The following SOX5 variants were observed in gnomAD, a reference collection of about 807,000 sequenced individuals.
SOX5 encodes transcription factor SOX-5.
A neutral mutation model predicts 92.0 loss-of-function variants in SOX5; 9 were observed. That is an observed-to-expected ratio of 0.10 (90% CI 0.06 to 0.17). The LOEUF is 0.17. Ranked by LOEUF, SOX5 falls within the 10% of genes least tolerant of loss-of-function variation. The pLI is 1.00. For synonymous variants in SOX5, 344 were observed against 336.3 expected (o/e 1.02, Z -0.25); for missense variants, 642 against 944.5 (o/e 0.68, Z 4.20).
rs867989136 is a variant in SOX5 at position 23,764,887 on chromosome 12, C to T, written c.482-9163G>A. Among the ~76,000 whole-genome samples, 14 of 152,142 alleles carry T rather than the reference C, an allele frequency of 9.2e-5. 1 individual carries two copies. The highest frequency in any genetic ancestry group is 6.8e-3 in the Middle Eastern group (2 of 294). On this transcript the variant is annotated intron_variant, in intron 3 of 14. Transcript: ENST00000451604. ...TAAAGCACTACACATCCTGAATCTTCTCCATCACAACATATGTGAAAACAA... is the reference window on the plus strand; with the variant it reads ...TAAAGCACTACACATCCTGAATCTTTTCCATCACAACATATGTGAAAACAA...
chr12:23,597,409 C>T (rs1471417754), intron 9 of SOX5, among the ~76,000 whole-genome samples: 2 of 152,146 alleles, frequency 1.3e-5, no homozygotes, highest in Admixed American at 6.6e-5. Context: ...TTTAATACCA[C>T]AGAGCCCAGA....
intron 2 of SOX5, among the ~76,000 whole-genome samples, chr12:24,278,505 G>T (rs904875765): frequency 6.6e-6 from 1 of 152,050 alleles, no homozygotes; most frequent in African/African-American, 2.4e-5. Flanking sequence ...TTGAACCCAG[G>T]AGTTCAAGAC....
At chr12:23,745,633 C>T (rs972453035) in intron 4 of SOX5, among the ~76,000 whole-genome samples, 4 of 152,194 alleles carry the variant, frequency 2.6e-5, no homozygotes, top group Non-Finnish European at 5.9e-5. Context: ...CCATCCTTAA[C>T]AAGTGCCTTG....
chr12:24,009,369 A>G (rs1363623359), intron 4 of SOX5, among the ~76,000 whole-genome samples: 2 of 152,160 alleles, frequency 1.3e-5, no homozygotes, highest in African/African-American at 2.4e-5. Context: ...AGACTTTTTG[A>G]TTCTTAGGCT....
intron 1 of SOX5, among the ~76,000 whole-genome samples, chr12:23,909,747 T>A (rs918310914): frequency 1.3e-5 from 2 of 152,112 alleles, no homozygotes; most frequent in African/African-American, 2.4e-5. Context: ...TGTCTGAGCT[T>A]ATGAGGATAA....
chr12:24,211,069 C>T (rs1237039861), intron 4 of SOX5, among the ~76,000 whole-genome samples: 2 of 152,172 alleles, frequency 1.3e-5, no homozygotes, highest in Non-Finnish European at 2.9e-5. Context: ...CGTCATCTCT[C>T]ACTTGTCTGC....
At chr12:24,507,563 C>A (rs1419633886) in intron 1 of SOX5, among the ~76,000 whole-genome samples, 1 of 152,074 alleles carries the variant, frequency 6.6e-6, no homozygotes. Flanking sequence ...TTATTTGGAA[C>A]ATTATTTTAA....
rs568749106 is a variant in SOX5 at position 23,836,390 on chromosome 12, C to A, written c.481+9593G>T. 1.1e-4 allele frequency among the ~76,000 whole-genome samples: 17 copies of A among 151,848 alleles called. No homozygotes were observed. The East Asian group carries it at 2.7e-3, about 24-fold the overall frequency. Reference sequence around the variant, plus strand: ...GCTTTTTGTGTAATGACAGGGAAAACTTCTGATAGAAAAAAAGATGCAAGC... The same window carrying A: ...GCTTTTTGTGTAATGACAGGGAAAAATTCTGATAGAAAAAAAGATGCAAGC... On this transcript the variant is annotated intron_variant, in intron 3 of 14. Coordinates refer to ENST00000451604, the MANE Select transcript of SOX5 (RefSeq NM_006940.6).
At chr12:23,962,729 A>G (rs1947095438) in intron 4 of SOX5, among the ~76,000 whole-genome samples, 1 of 152,196 alleles carries the variant, frequency 6.6e-6, no homozygotes, top group South Asian at 2.1e-4. Flanking sequence ...CAAATATGCA[A>G]TTGCCCACTG....
intron 1 of SOX5, among the ~76,000 whole-genome samples, chr12:24,519,892 G>T (rs1043495852): frequency 6.6e-6 from 1 of 152,022 alleles, no homozygotes; most frequent in Non-Finnish European, 1.5e-5. Context: ...CAATCAAATT[G>T]TCATAAGGCA....
At chr12:24,274,700 C>G (rs896561249) in intron 3 of SOX5, among the ~76,000 whole-genome samples, 1 of 150,936 alleles carries the variant, frequency 6.6e-6, no homozygotes, top group Non-Finnish European at 1.5e-5. Context: ...TCACTGTCAT[C>G]TCCACAATAT....
At chr12:23,661,324 C>G (rs1319055136) in intron 7 of SOX5, among the ~76,000 whole-genome samples, 1 of 152,180 alleles carries the variant, frequency 6.6e-6, no homozygotes, top group Non-Finnish European at 1.5e-5. Flanking sequence ...TCTCTAATTT[C>G]TACCTCTAAA....
At chr12:23,944,420 T>A (rs1306684542) in intron 1 of SOX5, 5 of 152,152 alleles carry the variant, frequency 3.3e-5, no homozygotes, top group African/African-American at 1.2e-4. Flanking sequence ...CCAGAGAAGA[T>A]GTGTGAACTC....
At position 23,533,703 on chromosome 12, in the gene SOX5, G is replaced by C. The variant is rs190885876; in HGVS notation, c.*516C>G. ...AGAAATTCATTTTTCTTTTTTTTCT[G>C]TCAGGTGCATTACAAAGAAAAAAAA... is the stretch of plus-strand genomic sequence containing the variant. On this transcript the variant is annotated 3_prime_UTR_variant, in exon 15 of 15. Transcript: ENST00000451604. The C allele has an allele frequency of 2.0e-5, 3 of 151,790 alleles. No homozygotes were observed. The East Asian group carries it at 5.8e-4, about 29-fold the overall frequency. 9.4% of individuals were successfully genotyped at this position (151,790 alleles called of 1,614,324 possible).
intron 4 of SOX5, among the ~76,000 whole-genome samples, chr12:24,167,813 T>A: frequency 6.6e-6 from 1 of 152,168 alleles, no homozygotes. Context: ...CTTATATACA[T>A]CCCCTCAACC....
chr12:24,539,665 T>C (rs547975116), intron 1 of SOX5, among the ~76,000 whole-genome samples: 2 of 152,262 alleles, frequency 1.3e-5, no homozygotes, highest in South Asian at 4.1e-4. Context: ...AAAGAAAAAC[T>C]ACTCACCTAA....
chr12:24,465,828 C>A (rs903619266), intron 1 of SOX5, among the ~76,000 whole-genome samples: 1 of 152,190 alleles, frequency 6.6e-6, no homozygotes, highest in African/African-American at 2.4e-5. Flanking sequence ...CCATCCCAAC[C>A]CCACAGAGGC....
At chr12:24,415,735 A>G (rs1461052973) in intron 1 of SOX5, among the ~76,000 whole-genome samples, 1 of 152,240 alleles carries the variant, frequency 6.6e-6, no homozygotes, top group Non-Finnish European at 1.5e-5. Flanking sequence ...TATGAAGTCA[A>G]ATAAAATACA....
At chr12:23,974,573 G>C (rs1405297362) in intron 4 of SOX5, among the ~76,000 whole-genome samples, 2 of 152,112 alleles carry the variant, frequency 1.3e-5, no homozygotes, top group Non-Finnish European at 2.9e-5. Context: ...TCGAAATCTA[G>C]ATTAGTATCT....
Sources: gnomAD v4.1 joint callset for allele counts (sites outside exome capture counted in the v4.1 genomes callset) on GRCh38, gnomAD v4.1.1 for gene constraint, MANE v1.5 for transcripts, NCBI Gene and HGNC (gene_info 2026-07-23, HGNC 2026-07-21) for gene names.